The following DNM3 variants were observed in gnomAD, a reference collection of about 807,000 sequenced individuals.
DNM3 encodes dynamin 3, also known as dynamin-3.
A neutral mutation model predicts 101.6 loss-of-function variants in DNM3; 47 were observed. The ratio of observed to expected loss-of-function variants is 0.46; its 90% CI spans 0.37 to 0.59. The LOEUF is 0.59. Among genes scored for constraint, DNM3 ranks in the 20% least tolerant of loss-of-function variants. DNM3 has a pLI of 0.00. For missense variants in DNM3, 849 were observed against 1,085.7 expected (o/e 0.78, Z 3.06); for synonymous variants, 385 against 387.9 (o/e 0.99, Z 0.09).
At chr1:171,845,282 C>T (rs968734237) in intron 1 of DNM3, among the ~76,000 whole-genome samples, 2 of 152,170 alleles carry the variant, frequency 1.3e-5, no homozygotes, top group Non-Finnish European at 2.9e-5. Flanking sequence ...AGGCACAGTA[C>T]TCATGCTTAT....
intron 14 of DNM3, among the ~76,000 whole-genome samples, chr1:172,234,340 G>A (rs1004746221): frequency 1.3e-5 from 2 of 152,060 alleles, no homozygotes; most frequent in African/African-American, 2.4e-5. Flanking sequence ...AAGATGTGAA[G>A]GACGTCTTCA....
intron 14 of DNM3, among the ~76,000 whole-genome samples, chr1:172,191,034 G>A (rs1420279010): frequency 6.6e-6 from 1 of 152,072 alleles, no homozygotes; most frequent in East Asian, 1.9e-4. Context: ...GATCCCATTT[G>A]TCAATTTTGG....
chr1:171,974,745 T>C (rs1439334500), intron 2 of DNM3, among the ~76,000 whole-genome samples: 2 of 152,238 alleles, frequency 1.3e-5, no homozygotes, highest in Non-Finnish European at 2.9e-5. Context: ...TTTAAGTTTA[T>C]CCCAATTTAG....
At chr1:172,340,021 T>C (rs1324900069) in intron 17 of DNM3, among the ~76,000 whole-genome samples, 1 of 152,082 alleles carries the variant, frequency 6.6e-6, no homozygotes, top group Non-Finnish European at 1.5e-5. Flanking sequence ...ATCAAGAAGC[T>C]ATGAAAGGTC....
intron 4 of DNM3, among the ~76,000 whole-genome samples, chr1:172,028,543 C>T (rs1013581122): frequency 3.3e-5 from 5 of 151,818 alleles, no homozygotes; most frequent in African/African-American, 9.7e-5. Context: ...CAAAAACTAG[C>T]GGAAGAGAAG....
In DNM3 at chr1:172,411,184, A is replaced by G. The variant is rs924227430; in HGVS notation, c.*3343A>G. On this transcript the variant is annotated 3_prime_UTR_variant, in exon 21 of 21. Coordinates refer to ENST00000627582, the MANE Select transcript of DNM3 (RefSeq NM_015569.5). Reference sequence around the variant, plus strand: ...GATATTTTTTAAACTGTGATAATACAACAGATAGCTTTGAATGATCTGCCA... The same window carrying G: ...GATATTTTTTAAACTGTGATAATACGACAGATAGCTTTGAATGATCTGCCA... The G allele has an allele frequency of 2.0e-6, 2 of 985,210 alleles. No homozygotes were observed. Among genetic ancestry groups the G allele is most frequent in the African/African-American group, 3.5e-5 (2 of 57,238 alleles). 61.0% of individuals were successfully genotyped at this position (985,210 alleles called of 1,614,324 possible).
At chr1:172,064,907 G>T (rs1030312064) in intron 10 of DNM3, among the ~76,000 whole-genome samples, 1 of 152,118 alleles carries the variant, frequency 6.6e-6, no homozygotes. Flanking sequence ...GTTCCACTTA[G>T]AATTCAGGCT....
intron 14 of DNM3, among the ~76,000 whole-genome samples, chr1:172,226,802 A>G (rs1369962260): frequency 6.6e-6 from 1 of 152,178 alleles, no homozygotes; most frequent in Non-Finnish European, 1.5e-5. Context: ...GTCATATTTC[A>G]TATATGTCCA....
At position 171,946,318 on chromosome 1, in the gene DNM3, G is replaced by A. The variant is rs192755637; in HGVS notation, c.235+24497G>A. On this transcript the variant is annotated intron_variant, in intron 2 of 20. Coordinates refer to ENST00000627582, the MANE Select transcript of DNM3 (RefSeq NM_015569.5). ...TCACAGAAAAATGTGACTCAAAGGG[G>A]TGGTTAGAATTTGGGACTTACCTAC... is the stretch of plus-strand genomic sequence containing the variant. 4.3e-3 allele frequency among the ~76,000 whole-genome samples: 651 copies of A among 152,254 alleles called. 4 individuals are homozygous for A. The highest frequency in any genetic ancestry group is 0.015 in the African/African-American group (606 of 41,552).
At chr1:172,325,440 ATTGT>A (rs1298541900) in intron 17 of DNM3, among the ~76,000 whole-genome samples, 1 of 151,988 alleles carries the variant, frequency 6.6e-6, no homozygotes, top group Admixed American at 6.6e-5. Context: ...CTTATTTTTA[ATTGT>A]TTGTTATGAA....
At chr1:171,928,277 G>A (rs773478714) in intron 2 of DNM3, among the ~76,000 whole-genome samples, 12 of 152,116 alleles carry the variant, frequency 7.9e-5, no homozygotes, top group Admixed American at 3.3e-4. Flanking sequence ...TCTCCCTCTT[G>A]AGTGCTGGCT....
chr1:172,299,544 C>A (rs1366660511), intron 15 of DNM3, among the ~76,000 whole-genome samples: 2 of 151,984 alleles, frequency 1.3e-5, no homozygotes, highest in African/African-American at 4.8e-5. Context: ...TTTTTCCTTC[C>A]CCATCTAGTA....
At chr1:172,221,221 ACTC>A (rs1182115263) in intron 14 of DNM3, among the ~76,000 whole-genome samples, 1 of 152,132 alleles carries the variant, frequency 6.6e-6, no homozygotes, top group Non-Finnish European at 1.5e-5. Context: ...TAAGAAAAGT[ACTC>A]AATTAGATTT....
chr1:171,894,764 G>A (rs1473417171), intron 1 of DNM3, among the ~76,000 whole-genome samples: 9 of 151,650 alleles, frequency 5.9e-5, no homozygotes, highest in African/African-American at 2.2e-4. Context: ...AGGCCCTGGT[G>A]TATGATGTTC....
chr1:171,903,342 C>A (rs2125239598), intron 1 of DNM3, among the ~76,000 whole-genome samples: 1 of 152,242 alleles, frequency 6.6e-6, no homozygotes, highest in South Asian at 2.1e-4. Flanking sequence ...TATCATAGAT[C>A]TTTCCTTTGT....
At chr1:171,986,499 T>C (rs2045267047) in intron 2 of DNM3, among the ~76,000 whole-genome samples, 1 of 152,188 alleles carries the variant, frequency 6.6e-6, no homozygotes, top group Non-Finnish European at 1.5e-5. Context: ...CTACCTGCAG[T>C]AACTAAAGTG....
chr1:172,122,607 CA>C (rs1348385337), intron 13 of DNM3, among the ~76,000 whole-genome samples: 1 of 152,186 alleles, frequency 6.6e-6, no homozygotes, highest in African/African-American at 2.4e-5. Context: ...GATTATGCCA[CA>C]ACCTGTTAAT....
At chr1:171,945,668 A>T (rs2042127828) in intron 2 of DNM3, among the ~76,000 whole-genome samples, 1 of 152,114 alleles carries the variant, frequency 6.6e-6, no homozygotes, top group Admixed American at 6.5e-5. Flanking sequence ...TGGTTTGAAA[A>T]TTACTGAAAA....
Position 172,408,435 on chromosome 1 carries a change from C to T in DNM3, c.*594C>T, listed in dbSNP as rs148851094. On this transcript the variant is annotated 3_prime_UTR_variant, in exon 21 of 21. Coordinates refer to ENST00000627582, the MANE Select transcript of DNM3 (RefSeq NM_015569.5). Reference sequence around the variant, plus strand: ...AGGTAGTTTGCAAAGGAAAAGTCTGCACTGTTTGCTCTAAAGAGCTTCTCC... The same window carrying T: ...AGGTAGTTTGCAAAGGAAAAGTCTGTACTGTTTGCTCTAAAGAGCTTCTCC... The T allele has an allele frequency of 1.4e-3, 1,347 of 985,612 alleles. 3 individuals carry two copies. The highest frequency in any genetic ancestry group is 2.6e-3 in the Admixed American group (42 of 16,314). The allele number at this position is 985,612 out of a possible 1,614,324, so 61.1% of individuals were successfully genotyped here.
Sources: allele counts gnomAD v4.1 joint callset (sites outside exome capture counted in the v4.1 genomes callset), GRCh38; gene constraint gnomAD v4.1.1; transcripts MANE v1.5; gene names NCBI Gene and HGNC (gene_info 2026-07-23, HGNC 2026-07-21).